ZFPM2: variants seen among roughly 807,000 people sequenced by gnomAD.
ZFPM2 encodes the protein zinc finger protein, FOG family member 2.
A neutral mutation model predicts 98.6 loss-of-function variants in ZFPM2; 20 were observed. That is an observed-to-expected ratio of 0.20 (90% confidence interval 0.14 to 0.29). The LOEUF is 0.29. Among genes scored for constraint, ZFPM2 ranks in the 10% least tolerant of loss-of-function variants. The probability of loss-of-function intolerance (pLI) is 1.00; values close to 1 mark genes in which losing one functional copy is unlikely to be tolerated. For synonymous variants in ZFPM2, 518 were observed against 502.7 expected (o/e 1.03, Z -0.41); for missense variants, 1,310 against 1,388.6 (o/e 0.94, Z 0.90).
At chr8:105,442,500 C>T (rs1812274961) in intron 2 of ZFPM2, among the ~76,000 whole-genome samples, 1 of 152,144 alleles carries the variant, frequency 6.6e-6, no homozygotes, top group South Asian at 2.1e-4. Context: ...GTTCCTTAAA[C>T]ATAGTAGATG....
intron 6 of ZFPM2, among the ~76,000 whole-genome samples, chr8:105,793,760 T>A (rs970491706): frequency 6.6e-6 from 1 of 151,792 alleles, no homozygotes; most frequent in Admixed American, 6.6e-5. Flanking sequence ...CATAGTCCCA[T>A]ATTTCTTGGA....
chr8:105,371,951 A>G (rs1329395081), intron 1 of ZFPM2, among the ~76,000 whole-genome samples: 1 of 151,670 alleles, frequency 6.6e-6, no homozygotes, highest in Non-Finnish European at 1.5e-5. Flanking sequence ...ATAAAAGGTC[A>G]TAGTGCATGC....
At chr8:105,469,288 TA>T (rs1450802948) in intron 3 of ZFPM2, among the ~76,000 whole-genome samples, 2 of 152,218 alleles carry the variant, frequency 1.3e-5, no homozygotes, top group Admixed American at 1.3e-4. Context: ...TGCTTGTGAT[TA>T]AAAGAAGATG....
intron 5 of ZFPM2, among the ~76,000 whole-genome samples, chr8:105,775,043 A>G (rs921818279): frequency 6.7e-6 from 1 of 148,270 alleles, no homozygotes; most frequent in African/African-American, 2.5e-5. Flanking sequence ...TTTTAAACTG[A>G]CTCCCTAGAG....
At chr8:105,458,787 C>T (rs1298524143) in intron 3 of ZFPM2, among the ~76,000 whole-genome samples, 1 of 151,910 alleles carries the variant, frequency 6.6e-6, no homozygotes, top group Non-Finnish European at 1.5e-5. Flanking sequence ...AGAGTCTTTG[C>T]TCTTTCAGTT....
At chr8:105,351,848 T>C (rs1325289782) in intron 1 of ZFPM2, among the ~76,000 whole-genome samples, 2 of 152,182 alleles carry the variant, frequency 1.3e-5, no homozygotes, top group Non-Finnish European at 2.9e-5. Context: ...TATTTTATAT[T>C]AAAAGCAAAA....
chr8:105,491,207 A>G (rs926972233), intron 3 of ZFPM2, among the ~76,000 whole-genome samples: 2 of 152,164 alleles, frequency 1.3e-5, no homozygotes, highest in African/African-American at 2.4e-5. Flanking sequence ...ACTCTTGCTC[A>G]TGAAGTATCC....
chr8:105,797,714 C>G (rs1180232238), intron 6 of ZFPM2, among the ~76,000 whole-genome samples: 1 of 152,162 alleles, frequency 6.6e-6, no homozygotes. Context: ...TCCAACCCCT[C>G]TTCTCCACCA....
chr8:105,548,298 T>G (rs1428615752), intron 3 of ZFPM2, among the ~76,000 whole-genome samples: 1 of 152,140 alleles, frequency 6.6e-6, no homozygotes, highest in African/African-American at 2.4e-5. Flanking sequence ...AAGAGCAAAG[T>G]AAGTTTTTCT....
At chr8:105,587,449 T>C (rs1412303135) in intron 4 of ZFPM2, among the ~76,000 whole-genome samples, 1 of 152,196 alleles carries the variant, frequency 6.6e-6, no homozygotes, top group African/African-American at 2.4e-5. Flanking sequence ...CATTTTACTA[T>C]GTTAATTAAC....
chr8:105,581,913 T>C (rs1470550676), intron 4 of ZFPM2, among the ~76,000 whole-genome samples: 2 of 152,174 alleles, frequency 1.3e-5, no homozygotes, highest in African/African-American at 4.8e-5. Flanking sequence ...GTGGGGAAGA[T>C]TGTGATCTTA....
intron 3 of ZFPM2, among the ~76,000 whole-genome samples, chr8:105,487,925 T>C (rs1288518469): frequency 9.0e-6 from 1 of 110,970 alleles, no homozygotes; most frequent in Non-Finnish European, 2.0e-5. Flanking sequence ...TATCTATCTA[T>C]CTATCTAGCT....
chr8:105,553,765 T>TAA (rs1814918793), intron 3 of ZFPM2, among the ~76,000 whole-genome samples: 1 of 152,214 alleles, frequency 6.6e-6, no homozygotes. Flanking sequence ...TCCCATCTGT[T>TAA]AGAGTTACAT....
intron 4 of ZFPM2, among the ~76,000 whole-genome samples, chr8:105,614,488 CTTTG>C (rs1018226446): frequency 1.3e-5 from 2 of 152,018 alleles, no homozygotes; most frequent in Non-Finnish European, 2.9e-5. Context: ...GATGCTTTTT[CTTTG>C]TTTACTAATT....
At chr8:105,464,538 A>T (rs114562700) in intron 3 of ZFPM2, among the ~76,000 whole-genome samples, 9 of 152,126 alleles carry the variant, frequency 5.9e-5, no homozygotes, top group East Asian at 5.8e-4. Context: ...ATCAGTCAGG[A>T]TGTGGGAGAA....
At chr8:105,396,201 G>A (rs1403787539) in intron 1 of ZFPM2, among the ~76,000 whole-genome samples, 2 of 152,212 alleles carry the variant, frequency 1.3e-5, no homozygotes, top group East Asian at 1.9e-4. Flanking sequence ...AGACATAGGG[G>A]TGTGTGTTGA....
chr8:105,478,056 T>A (rs1002916392), intron 3 of ZFPM2, among the ~76,000 whole-genome samples: 4 of 152,190 alleles, frequency 2.6e-5, no homozygotes, highest in Admixed American at 2.6e-4. Flanking sequence ...GGAACTCTGA[T>A]CCAAATTTGC....
intron 2 of ZFPM2, among the ~76,000 whole-genome samples, chr8:105,431,704 A>G (rs1017918381): frequency 6.6e-6 from 1 of 152,110 alleles, no homozygotes; most frequent in Non-Finnish European, 1.5e-5. Flanking sequence ...GCTTGAGTCC[A>G]GGAGTTTGAC....
Position 105,802,965 on chromosome 8 carries a change from GTT to G in ZFPM2, c.2885_2886del (p.Phe962SerfsTer29). 1 of 1,612,694 alleles carries G rather than the reference GTT, an allele frequency of 6.2e-7. No homozygotes were observed. Among genetic ancestry groups the G allele is most frequent in the Non-Finnish European group, 8.5e-7 (1 of 1,179,378 alleles). On this transcript the variant is annotated frameshift_variant, in exon 8 of 8. Transcript: ENST00000407775. LOFTEE classifies it high-confidence loss of function. ...CTACAAAAGAAGAAAACAGACATTT[GTT>G]TCTTCCACAATGCCTTTACCCTGGA... The part of the protein sequence containing the change: ...IATKEENRHL[F>X]LPQCLYPGAI...
Sources: gnomAD v4.1 joint callset for allele counts (sites outside exome capture counted in the v4.1 genomes callset) on GRCh38, gnomAD v4.1.1 for gene constraint, MANE v1.5 for transcripts, NCBI Gene and HGNC (gene_info 2026-07-23, HGNC 2026-07-21) for gene names.